Variants in MEIKIN observed in about 807,000 individuals in gnomAD.
MEIKIN encodes meiosis-specific kinetochore protein.
chr5:131,917,768 T>G (rs1751436769), intron 6 of MEIKIN, among the ~76,000 whole-genome samples: 1 of 152,178 alleles, frequency 6.6e-6, no homozygotes, highest in Non-Finnish European at 1.5e-5. Context: ...CTTTAGTTTC[T>G]GTGGTACTTA....
chr5:131,870,787 C>CA (rs1750476167), intron 9 of MEIKIN, among the ~76,000 whole-genome samples: 1 of 152,200 alleles, frequency 6.6e-6, no homozygotes, highest in Non-Finnish European at 1.5e-5. Context: ...ACACCCTAGT[C>CA]AAAGCCACCA....
chr5:131,852,956 C>A (rs1281149936), intron 10 of MEIKIN, among the ~76,000 whole-genome samples: 1 of 152,022 alleles, frequency 6.6e-6, no homozygotes, highest in African/African-American at 2.4e-5. Context: ...AAAAATGAGA[C>A]ACTCATTTTC....
intron 10 of MEIKIN, among the ~76,000 whole-genome samples, chr5:131,853,702 T>C (rs757617314): frequency 6.6e-6 from 1 of 152,114 alleles, no homozygotes; most frequent in Non-Finnish European, 1.5e-5. Context: ...AATAGATATT[T>C]TCCCAAAAAA....
chr5:131,944,707 C>T lies in MEIKIN; in HGVS notation c.246G>A (p.Arg82=), dbSNP rs1354328828. The change falls in exon 3 of 13, where the codon AGG becomes AGA. Residue 82 remains arginine (R), a synonymous_variant. Coordinates refer to ENST00000442687, the MANE Select transcript of MEIKIN (RefSeq NM_001303622.2). ...VTGEKSLQEN[R]SSEDTQDEKI... ...TCTCATCCTGGGTGTCTTCACTAGA[C>T]CTATTTTCTTGCAGGCTTTTCTCTC... 4 of 398,958 alleles carry T rather than the reference C, an allele frequency of 1.0e-5. No individual in the cohort carries two copies. The highest frequency in any genetic ancestry group is 2.1e-5 in the African/African-American group (1 of 48,638). 24.7% of individuals were successfully genotyped at this position (398,958 alleles called of 1,614,324 possible).
intron 7 of MEIKIN, among the ~76,000 whole-genome samples, chr5:131,914,590 G>A (rs552240388): frequency 3.6e-5 from 3 of 84,428 alleles, no homozygotes; most frequent in Non-Finnish European, 7.4e-5. Context: ...GGGAAGGGAA[G>A]GGAAGGGAAG....
At chr5:131,824,178 G>A (rs1222840342) in intron 11 of MEIKIN, among the ~76,000 whole-genome samples, 1 of 151,998 alleles carries the variant, frequency 6.6e-6, no homozygotes, top group East Asian at 1.9e-4. Flanking sequence ...GTTCCCTCAG[G>A]CCCCAGGCTC....
intron 8 of MEIKIN, among the ~76,000 whole-genome samples, chr5:131,885,385 G>A (rs868626152): frequency 1.8e-3 from 175 of 99,730 alleles, no homozygotes; most frequent in African/African-American, 6.2e-3. Context: ...GAGAGAGAGA[G>A]AGAGAGAGAG....
intron 9 of MEIKIN, among the ~76,000 whole-genome samples, chr5:131,866,764 G>A (rs1875176): frequency 0.63 from 96,462 of 152,050 alleles, 32,703 homozygotes; most frequent in Non-Finnish European, 0.77. Context: ...GAGAAGGACA[G>A]GTAATCATGA....
intron 9 of MEIKIN, among the ~76,000 whole-genome samples, chr5:131,877,813 G>A (rs539864314): frequency 7.1e-4 from 108 of 152,290 alleles, no homozygotes; most frequent in Middle Eastern, 3.4e-3. Flanking sequence ...CACAGTTTCA[G>A]TTACCTGTGG....
At chr5:131,903,496 T>C (rs1751192800) in intron 8 of MEIKIN, among the ~76,000 whole-genome samples, 2 of 152,166 alleles carry the variant, frequency 1.3e-5, no homozygotes. Flanking sequence ...GGGCCTATAT[T>C]CAGCATTATA....
At chr5:131,868,921 T>C (rs957983126) in intron 9 of MEIKIN, among the ~76,000 whole-genome samples, 2 of 152,248 alleles carry the variant, frequency 1.3e-5, no homozygotes, top group African/African-American at 4.8e-5. Context: ...TCTCCCAATC[T>C]GTGGCTTGTT....
chr5:131,921,806 T>C lies in MEIKIN; in HGVS notation c.598+16A>G. 1 of 398,996 alleles carries C rather than the reference T, an allele frequency of 2.5e-6. No individual in the cohort carries two copies. The highest frequency in any genetic ancestry group is 4.4e-6 in the Non-Finnish European group (1 of 226,006). The allele number at this position is 398,996 out of a possible 1,614,324, so 24.7% of individuals were successfully genotyped here. A position where few individuals can be genotyped will look rare whatever the true frequency, so the allele number is the denominator to read the frequency against. On this transcript the variant is annotated intron_variant, in intron 6 of 12. Coordinates refer to ENST00000442687, the MANE Select transcript of MEIKIN (RefSeq NM_001303622.2). ...CCAACATAGATGAGAAATGTTCCCC[T>C]GTGTGTGCAACTCACTGAAAATTGC...
intron 12 of MEIKIN, among the ~76,000 whole-genome samples, chr5:131,816,368 A>C (rs565147444): frequency 3.2e-4 from 49 of 152,220 alleles, no homozygotes; most frequent in Non-Finnish European, 6.5e-4. Flanking sequence ...ACTTTATATA[A>C]ACTTCAAGGA....
chr5:131,830,898 C>T (rs889190117), intron 11 of MEIKIN, among the ~76,000 whole-genome samples: 2 of 150,754 alleles, frequency 1.3e-5, no homozygotes, highest in African/African-American at 4.9e-5. Flanking sequence ...CTGAGGAGGA[C>T]TTTGGTTTTT....
chr5:131,810,210 A>T (rs1772927092), intron 12 of MEIKIN, among the ~76,000 whole-genome samples: 1 of 152,224 alleles, frequency 6.6e-6, no homozygotes, highest in South Asian at 2.1e-4. Flanking sequence ...CTAGAAAATC[A>T]AATTTCTCAC....
intron 9 of MEIKIN, among the ~76,000 whole-genome samples, chr5:131,875,539 T>G (rs11242100): frequency 0.64 from 96,604 of 151,478 alleles, 32,774 homozygotes; most frequent in Non-Finnish European, 0.77. Context: ...TGGGTAGGAA[T>G]AATCAATATC....
rs115393715 is a variant in MEIKIN, at chr5:131,910,019, G to A, written c.703+1796C>T. Among the ~76,000 whole-genome samples, 582 of 152,038 alleles carry A rather than the reference G, an allele frequency of 3.8e-3. 1 individual carries two copies. Among genetic ancestry groups the A allele is most frequent in the Non-Finnish European group, 5.8e-3 (391 of 67,926 alleles). On this transcript the variant is annotated intron_variant, in intron 8 of 12. Coordinates refer to ENST00000442687, the MANE Select transcript of MEIKIN (RefSeq NM_001303622.2). Reference sequence around the variant, plus strand: ...AAGGAGAACTGTTTGGAGCTTCCTCGAAAACATAAAAATAGAGGTATCATA... The same window carrying A: ...AAGGAGAACTGTTTGGAGCTTCCTCAAAAACATAAAAATAGAGGTATCATA...
intron 2 of MEIKIN, 152 bp from the exon 3 acceptor site, chr5:131,944,904 G>A (rs1170130769): frequency 2.5e-6 from 1 of 397,966 alleles, no homozygotes; most frequent in African/African-American, 2.1e-5. Flanking sequence ...CCCAAATGCA[G>A]TGACACAATC....
At chr5:131,891,676 C>T (rs1399420426) in intron 8 of MEIKIN, among the ~76,000 whole-genome samples, 1 of 152,116 alleles carries the variant, frequency 6.6e-6, no homozygotes, top group Non-Finnish European at 1.5e-5. Context: ...TCCAATTTGC[C>T]AGTCTGTGTC....
Sources: gnomAD v4.1 joint callset for allele counts (sites outside exome capture counted in the v4.1 genomes callset) on GRCh38, gnomAD v4.1.1 for gene constraint, MANE v1.5 for transcripts, NCBI Gene and HGNC (gene_info 2026-07-23, HGNC 2026-07-21) for gene names.